Variants in ABHD17C observed in about 807,000 individuals in gnomAD.
The protein encoded by ABHD17C is abhydrolase domain containing 17C, depalmitoylase, also known as alpha/beta hydrolase domain-containing protein 17C.
In ABHD17C, 11 loss-of-function variants were observed where a neutral mutation model predicts 27.9. The observed-to-expected ratio is 0.39, with a 90% CI of 0.25 to 0.65. ABHD17C has a LOEUF of 0.65. Among genes scored for constraint, ABHD17C ranks in the 30% least tolerant of loss-of-function variants. The probability of loss-of-function intolerance (pLI) is 0.45; values close to 1 mark genes in which losing one functional copy is unlikely to be tolerated. For synonymous variants in ABHD17C, 233 were observed against 209.1 expected, an observed-to-expected ratio of 1.11 and a Z score of -0.98; for missense variants, 280 against 470.2, an observed-to-expected ratio of 0.60 and a Z score of 3.74.
intron 1 of ABHD17C, among the ~76,000 whole-genome samples, chr15:80,715,969 G>A (rs1235377667): frequency 6.6e-6 from 1 of 152,090 alleles, no homozygotes; most frequent in Non-Finnish European, 1.5e-5. Flanking sequence ...GTATGCTTGT[G>A]GACATTACTG....
At chr15:80,706,090 C>T (rs546910575) in intron 1 of ABHD17C, among the ~76,000 whole-genome samples, 9 of 152,322 alleles carry the variant, frequency 5.9e-5, no homozygotes, top group Admixed American at 1.3e-4. Flanking sequence ...ACTTATGAGA[C>T]GATCCTTAAT....
At chr15:80,722,751 A>G (rs997953219) in intron 1 of ABHD17C, among the ~76,000 whole-genome samples, 1 of 152,182 alleles carries the variant, frequency 6.6e-6, no homozygotes, top group Admixed American at 6.5e-5. Flanking sequence ...GGCAACCACC[A>G]TTCTACTCTG....
chr15:80,726,715 TGTTAGTCAGGATG>T (rs1227281145), intron 1 of ABHD17C, among the ~76,000 whole-genome samples: 4 of 151,918 alleles, frequency 2.6e-5, no homozygotes, highest in South Asian at 4.2e-4. Flanking sequence ...GGTTTCACCG[TGTTAGTCAGGATG>T]GTTAGTCAGG....
chr15:80,713,511 A>G (rs1444190549), intron 1 of ABHD17C, among the ~76,000 whole-genome samples: 1 of 151,798 alleles, frequency 6.6e-6, no homozygotes, highest in Admixed American at 6.6e-5. Context: ...ATTGGCTTTC[A>G]TTAATATTGA....
At chr15:80,703,357 A>G (rs1034180404) in intron 1 of ABHD17C, 4 of 152,270 alleles carry the variant, frequency 2.6e-5, no homozygotes, top group African/African-American at 9.6e-5. Context: ...CATTCAAACC[A>G]TAGCAGCCCC....
intron 1 of ABHD17C, among the ~76,000 whole-genome samples, chr15:80,725,812 TTTTGTTTG>T (rs74801112): frequency 0.69 from 103,652 of 151,002 alleles, 36,566 homozygotes; most frequent in Non-Finnish European, 0.79. Context: ...ACCAGCAGTT[TTTTGTTTG>T]TTTGTTTGTT....
At chr15:80,704,320 A>G (rs532468903) in intron 1 of ABHD17C, among the ~76,000 whole-genome samples, 1 of 151,998 alleles carries the variant, frequency 6.6e-6, no homozygotes, top group Non-Finnish European at 1.5e-5. Context: ...TTCTACACTC[A>G]AGCCTTTTCC....
At chr15:80,739,092 A>T (rs1030833583) in intron 1 of ABHD17C, among the ~76,000 whole-genome samples, 6 of 152,026 alleles carry the variant, frequency 3.9e-5, no homozygotes, top group African/African-American at 1.5e-4. Flanking sequence ...GGGTAGATCT[A>T]GCTAATGTGG....
intron 1 of ABHD17C, 138 bp from the exon 2 acceptor site, chr15:80,749,370 TTAAAC>T (rs1353092628): frequency 7.6e-6 from 6 of 789,336 alleles, no homozygotes; most frequent in African/African-American, 7.0e-5. Context: ...CACATTCATC[TTAAAC>T]TAAAGTGTAC....
chr15:80,752,840 A>G (rs1242945501), intron 2 of ABHD17C, among the ~76,000 whole-genome samples: 3 of 152,202 alleles, frequency 2.0e-5, no homozygotes, highest in Non-Finnish European at 1.5e-5. Context: ...ACCAATGCTT[A>G]AAGTCTTTTG....
At chr15:80,719,021 C>T (rs995017515) in intron 1 of ABHD17C, among the ~76,000 whole-genome samples, 3 of 152,090 alleles carry the variant, frequency 2.0e-5, no homozygotes, top group African/African-American at 7.2e-5. Context: ...TTGATAAGTA[C>T]AGTAAGATGT....
chr15:80,705,299 G>T (rs1894629265), intron 1 of ABHD17C, among the ~76,000 whole-genome samples: 1 of 135,184 alleles, frequency 7.4e-6, no homozygotes, highest in Non-Finnish European at 1.6e-5. Context: ...AACCTGGGGA[G>T]AAATGTTCCC....
intron 1 of ABHD17C, among the ~76,000 whole-genome samples, chr15:80,736,508 T>A (rs1362920377): frequency 6.6e-6 from 1 of 152,256 alleles, no homozygotes; most frequent in Non-Finnish European, 1.5e-5. Flanking sequence ...CTTTTTATTC[T>A]GAGGCTTTTC....
chr15:80,719,071 G>A (rs1271122716), intron 1 of ABHD17C, among the ~76,000 whole-genome samples: 1 of 152,158 alleles, frequency 6.6e-6, no homozygotes, highest in Non-Finnish European at 1.5e-5. Flanking sequence ...CCAGTGAGAA[G>A]ACTTAGTAAT....
intron 1 of ABHD17C, among the ~76,000 whole-genome samples, chr15:80,713,821 CA>C (rs1894763814): frequency 6.7e-6 from 1 of 149,066 alleles, no homozygotes; most frequent in African/African-American, 2.5e-5. Context: ...AAAAAAGCAA[CA>C]AAAAACATTG....
intron 1 of ABHD17C, among the ~76,000 whole-genome samples, chr15:80,721,733 G>C (rs1392432481): frequency 6.6e-6 from 1 of 152,142 alleles, no homozygotes; most frequent in African/African-American, 2.4e-5. Flanking sequence ...GCAGCGTAAG[G>C]TGGTATTCCT....
chr15:80,754,122 T>C (rs755810238), intron 2 of ABHD17C, 29 bp from the exon 3 acceptor site: 1 of 1,569,490 alleles, frequency 6.4e-7, no homozygotes. Flanking sequence ...TGGAGTCCTC[T>C]TTCTGCCTCC....
intron 1 of ABHD17C, among the ~76,000 whole-genome samples, chr15:80,742,142 A>G (rs1405191715): frequency 6.6e-6 from 1 of 152,222 alleles, no homozygotes; most frequent in Non-Finnish European, 1.5e-5. Context: ...TACTGTATAT[A>G]CATATATAAG....
chr15:80,734,679 G>C (rs1259215870), intron 1 of ABHD17C, among the ~76,000 whole-genome samples: 3 of 152,194 alleles, frequency 2.0e-5, no homozygotes, highest in African/African-American at 7.2e-5. Context: ...TATGGTAGGA[G>C]AGAATAGTCT....
Sources: allele counts gnomAD v4.1 joint callset (sites outside exome capture counted in the v4.1 genomes callset), GRCh38; gene constraint gnomAD v4.1.1; transcripts MANE v1.5; gene names NCBI Gene and HGNC (gene_info 2026-07-23, HGNC 2026-07-21).